Variants in NSUN5 observed in about 807,000 individuals in gnomAD.
NSUN5 encodes 28S rRNA (cytosine-C(5))-methyltransferase.
A neutral mutation model predicts 51.1 loss-of-function variants in NSUN5; 39 were observed. The observed-to-expected ratio is 0.76, with a 90% confidence interval of 0.59 to 1.00. The LOEUF is 1.00. NSUN5 is among the 50% of genes least tolerant of loss of function. The probability of loss-of-function intolerance (pLI) is 0.00; values close to 1 mark genes in which losing one functional copy is unlikely to be tolerated. For synonymous variants in NSUN5, 266 were observed against 271.5 expected (o/e 0.98, Z 0.20); for missense variants, 526 against 614.0 (o/e 0.86, Z 1.51).
At chr7:73,306,932 T>C (rs1804062710) in intron 4 of NSUN5, among the ~76,000 whole-genome samples, 1 of 151,562 alleles carries the variant, frequency 6.6e-6, no homozygotes, top group South Asian at 2.1e-4. Context: ...GAGTAAATGA[T>C]TGGAGGGAGG....
rs781957761 is a variant in NSUN5, at chr7:73,308,674, ACTACT to A, written c.93+19_93+23del. ...CCCGGGTTCCTCACTCCCCACCCCT[ACTACT>A]CGCGCCCAGGTCCGCTACCTGGAAG... is the stretch of plus-strand genomic sequence containing the variant. On this transcript the variant is annotated intron_variant, in intron 1 of 9. Transcript: ENST00000438747. 2.6e-5 allele frequency: 41 copies of A among 1,588,140 alleles called. No homozygotes were observed. Among genetic ancestry groups the A allele is most frequent in the Non-Finnish European group, 3.3e-5 (39 of 1,167,560 alleles).
rs782461919 is a variant in NSUN5 at position 73,307,521 on chromosome 7, G to T, written c.392-19C>A. 6.2e-7 allele frequency: 1 copy of T among 1,613,866 alleles called. No individual in the cohort carries two copies. Among genetic ancestry groups the T allele is most frequent in the South Asian group, 1.1e-5 (1 of 91,072 alleles). Reference sequence around the variant, plus strand: ...TGGGAGGCTACGTAGGACGCAATGAGCAGTGAGTAGGCAGGAGCAAAGTTC... The same window carrying T: ...TGGGAGGCTACGTAGGACGCAATGATCAGTGAGTAGGCAGGAGCAAAGTTC... On this transcript the variant is annotated intron_variant, in intron 3 of 9. Coordinates refer to ENST00000438747, the MANE Select transcript of NSUN5 (RefSeq NM_148956.4).
At chr7:73,307,560 C>T in intron 3 of NSUN5, 23 bp downstream of exon 3, 1 of 1,587,086 alleles carries the variant, frequency 6.3e-7, no homozygotes, top group Non-Finnish European at 8.6e-7. Flanking sequence ...GCCTCCCCCA[C>T]CCCCCAACTC....
In NSUN5 at chr7:73,304,038, T is replaced by C. The variant is rs1554541381; in HGVS notation, c.935-2A>G. The C allele has an allele frequency of 4.3e-6, 7 of 1,613,732 alleles. No homozygotes were observed. Among genetic ancestry groups the C allele is most frequent in the Non-Finnish European group, 5.9e-6 (7 of 1,179,786 alleles). The stretch of plus-strand genomic sequence containing the variant: ...CCTCCAGCTGTCTGCTCGGCATACC[T>C]AAGGAAAAGAGTGTCTCTGTTACAT... On this transcript the variant is annotated splice_acceptor_variant, in intron 7 of 9. Coordinates refer to ENST00000438747, the MANE Select transcript of NSUN5 (RefSeq NM_148956.4). LOFTEE classifies it high-confidence loss of function.
At chr7:73,307,882 G>A in intron 2 of NSUN5, 125 bp from the exon 3 acceptor site, 2 of 854,982 alleles carry the variant, frequency 2.3e-6, no homozygotes, top group Non-Finnish European at 3.6e-6. Context: ...CAAGATACAG[G>A]TGGGATACCT....
rs782181198 is a variant in NSUN5 at position 73,304,886 on chromosome 7, A to G, written c.640-24T>C. On this transcript the variant is annotated intron_variant, in intron 5 of 9. Transcript: ENST00000438747. Reference sequence around the variant, plus strand: ...GCCTGGCAGGCAGAGCACAGGAGCCAGGTAAACAGAGACCCCAGGCTAGGC... The same window carrying G: ...GCCTGGCAGGCAGAGCACAGGAGCCGGGTAAACAGAGACCCCAGGCTAGGC... 3.8e-5 allele frequency: 61 copies of G among 1,613,702 alleles called. No individual in the cohort carries two copies. The African/African-American group carries it at 5.9e-4, about 16-fold the overall frequency.
rs1314643143 is a variant in NSUN5, at chr7:73,304,744, C to T, written c.755+3G>A. 1.9e-6 allele frequency: 3 copies of T among 1,602,682 alleles called. No individual in the cohort carries two copies. In the African/African-American group the frequency reaches 4.0e-5, roughly 21 times the overall value. On this transcript the variant is annotated splice_donor_region_variant and intron_variant, in intron 6 of 9. Coordinates refer to ENST00000438747, the MANE Select transcript of NSUN5 (RefSeq NM_148956.4). ...GTCCTCCTCCTCCTCCTGTGGCACT[C>T]ACCCTTGGTTCTTCAGAAGAGCAGC...
Position 73,306,620 on chromosome 7 carries a change from C to T in NSUN5, c.500+774G>A, listed in dbSNP as rs181761258. Among the ~76,000 whole-genome samples the T allele has an allele frequency of 5.6e-4, 85 of 152,134 alleles. 1 individual carries two copies. The highest frequency in any genetic ancestry group is 4.7e-3 in the Admixed American group (72 of 15,266). On this transcript the variant is annotated intron_variant, in intron 4 of 9. Transcript: ENST00000438747. ...GGAGGCCAGATGTGGTGGCTCACGC[C>T]TGTAATCCGAGCACTTTGGGAGACC...
Position 73,304,731 on chromosome 7 carries a change from C to T in NSUN5, c.755+16G>A. ...AATCAAACCCCATGTCCTCCTCCTC[C>T]TCCTGTGGCACTCACCCTTGGTTCT... On this transcript the variant is annotated intron_variant, in intron 6 of 9. Coordinates refer to ENST00000438747, the MANE Select transcript of NSUN5 (RefSeq NM_148956.4). 2 of 1,574,040 alleles carry T rather than the reference C, an allele frequency of 1.3e-6. No individual in the cohort carries two copies. The highest frequency in any genetic ancestry group is 2.2e-5 in the East Asian group (1 of 44,702).
chr7:73,304,703 C>A (rs1554541521), intron 6 of NSUN5, 44 bp downstream of exon 6: 2 of 1,483,330 alleles, frequency 1.3e-6, no homozygotes, highest in African/African-American at 1.4e-5. Context: ...CTGAAAGGCA[C>A]AGAATCAAAC....
chr7:73,305,221 G>A, intron 4 of NSUN5, 124 bp from the exon 5 acceptor site: 1 of 1,332,820 alleles, frequency 7.5e-7, no homozygotes. Context: ...ATAAGCTAGA[G>A]ATGGGCGGAA....
intron 4 of NSUN5, among the ~76,000 whole-genome samples, chr7:73,306,382 T>C (rs1205125063): frequency 1.3e-5 from 1 of 74,782 alleles, no homozygotes; most frequent in Admixed American, 1.9e-4. Flanking sequence ...AAAACCCTTG[T>C]CTCAAAAAAA....
Position 73,302,863 on chromosome 7 carries a change from C to G in NSUN5, c.*552G>C, listed in dbSNP as rs1586455289. 2 of 1,019,372 alleles carry G rather than the reference C, an allele frequency of 2.0e-6. No homozygotes were observed. Among genetic ancestry groups the G allele is most frequent in the East Asian group, 8.6e-5 (1 of 11,646 alleles). 63.1% of individuals were successfully genotyped at this position (1,019,372 alleles called of 1,614,324 possible). ...GAACAGCTCTGATCCTCGTTAATAC[C>G]TGGCTGCGTGTGCAGCTGAGGAGGG... On this transcript the variant is annotated 3_prime_UTR_variant, in exon 10 of 10. Transcript: ENST00000438747.
At position 73,307,506 on chromosome 7, in the gene NSUN5, C is replaced by A; in HGVS notation, c.392-4G>T. The A allele has an allele frequency of 6.2e-7, 1 of 1,614,064 alleles. No homozygotes were observed. Among genetic ancestry groups the A allele is most frequent in the Non-Finnish European group, 8.5e-7 (1 of 1,179,980 alleles). ...ACAAATCGAGGCAGCTGGGAGGCTA[C>A]GTAGGACGCAATGAGCAGTGAGTAG... On this transcript the variant is annotated splice_polypyrimidine_tract_variant and splice_region_variant and intron_variant, in intron 3 of 9. Transcript: ENST00000438747.
Position 73,308,693 on chromosome 7 carries a change from G to A in NSUN5, c.93+5C>T, listed in dbSNP as rs1804155563. 1 of 1,539,948 alleles carries A rather than the reference G, an allele frequency of 6.5e-7. No individual in the cohort carries two copies. Among genetic ancestry groups the A allele is most frequent in the Admixed American group, 1.8e-5 (1 of 56,816 alleles). On this transcript the variant is annotated splice_donor_5th_base_variant and intron_variant, in intron 1 of 9. Transcript: ENST00000438747. ...ACCCCTACTACTCGCGCCCAGGTCC[G>A]CTACCTGGAAGTTGCTGGAGTACAC... is the stretch of plus-strand genomic sequence containing the variant.
In NSUN5 at chr7:73,303,465, T is replaced by C; in HGVS notation, c.1351A>G (p.Lys451Glu). ...RTPSPAPKRK[K>E]RQQRAAAGAC... ...CCGGCTGCGGCTCTTTGCTGTCTCTTCTTTCTCTTTGGGGCTGGGCTGGGT... is the reference window on the plus strand; with the variant it reads ...CCGGCTGCGGCTCTTTGCTGTCTCTCCTTTCTCTTTGGGGCTGGGCTGGGT... Residue 451 changes from lysine to glutamate, a missense_variant, in exon 10 of 10, where the codon AAG (lysine) becomes GAG (glutamate). Transcript: ENST00000438747. 1.9e-6 allele frequency: 3 copies of C among 1,613,938 alleles called. No homozygotes were observed. Among genetic ancestry groups the C allele is most frequent in the Non-Finnish European group, 2.5e-6 (3 of 1,180,028 alleles).
In NSUN5 at chr7:73,303,846, C is replaced by T. The variant is rs782284429; in HGVS notation, c.1125G>A (p.Gln375=). ...TGTACCTGAAGGCGCCCGGGTTCTG[C>T]TGCAGCGCATCTCGCACCACGTCTT... The part of the protein sequence containing the change: ...ENEDVVRDAL[Q]QNPGAFRLAP... The change falls in exon 8 of 10, where the codon CAG becomes CAA. Residue 375 remains glutamine, a synonymous_variant. Coordinates refer to ENST00000438747, the MANE Select transcript of NSUN5 (RefSeq NM_148956.4). 7.4e-6 allele frequency: 12 copies of T among 1,613,864 alleles called. 1 individual carries two copies. In the South Asian group the frequency reaches 1.3e-4, roughly 18 times the overall value.
intron 7 of NSUN5, 47 bp from the exon 8 acceptor site, chr7:73,304,083 G>T (rs1554541398): frequency 1.3e-6 from 2 of 1,598,850 alleles, no homozygotes; most frequent in Non-Finnish European, 1.7e-6. Flanking sequence ...GGCTACCTCA[G>T]TCCTGAAATC....
chr7:73,305,504 G>A (rs575338386), intron 4 of NSUN5, among the ~76,000 whole-genome samples: 14 of 137,706 alleles, frequency 1.0e-4, no homozygotes, highest in Middle Eastern at 3.9e-3. Context: ...TCGCTCTGTC[G>A]CCCAGGCTGG....
Sources: allele counts gnomAD v4.1 joint callset (sites outside exome capture counted in the v4.1 genomes callset), GRCh38; gene constraint gnomAD v4.1.1; transcripts MANE v1.5; gene names NCBI Gene and HGNC (gene_info 2026-07-23, HGNC 2026-07-21).